The following ABHD12 variants were observed in gnomAD, a reference collection of about 807,000 sequenced individuals.
The protein encoded by ABHD12 is lysophosphatidylserine lipase ABHD12.
In ABHD12, 43 loss-of-function variants were observed where a neutral mutation model predicts 58.3. That is an observed-to-expected ratio of 0.74 (90% CI 0.58 to 0.95). The LOEUF is 0.95. Ranked by LOEUF, ABHD12 falls within the 40% of genes least tolerant of loss-of-function variation. The probability of loss-of-function intolerance (pLI) is 0.00; values close to 1 mark genes in which losing one functional copy is unlikely to be tolerated. For synonymous variants in ABHD12, 219 were observed against 211.2 expected (o/e 1.04, Z -0.32); for missense variants, 539 against 537.2 (o/e 1.00, Z -0.03).
chr20:25,318,658 AG>A (rs1233303686), intron 4 of ABHD12, among the ~76,000 whole-genome samples: 1 of 126,746 alleles, frequency 7.9e-6, no homozygotes, highest in Non-Finnish European at 1.7e-5. Flanking sequence ...AGTTATAGGC[AG>A]GATCTTTTTT....
intron 2 of ABHD12, among the ~76,000 whole-genome samples, chr20:25,329,235 C>T (rs1041348693): frequency 4.6e-5 from 7 of 152,236 alleles, no homozygotes; most frequent in African/African-American, 1.7e-4. Context: ...AGCCCTGTGG[C>T]AGCCCCACAG....
At chr20:25,371,012 C>G (rs1389634767) in intron 1 of ABHD12, among the ~76,000 whole-genome samples, 1 of 152,036 alleles carries the variant, frequency 6.6e-6, no homozygotes, top group Admixed American at 6.6e-5. Context: ...ATTGTTCTGC[C>G]TCTACTGTTC....
intron 1 of ABHD12, among the ~76,000 whole-genome samples, chr20:25,348,906 C>A (rs2089558129): frequency 6.6e-6 from 1 of 151,710 alleles, no homozygotes; most frequent in African/African-American, 2.4e-5. Flanking sequence ...CACGGTGAAA[C>A]CCCGTCTCTA....
intron 2 of ABHD12, among the ~76,000 whole-genome samples, chr20:25,335,846 T>C (rs1216395834): frequency 6.2e-5 from 9 of 145,102 alleles, no homozygotes; most frequent in African/African-American, 2.0e-4. Flanking sequence ...TTGGGAGATA[T>C]ACCTAATGCT....
rs369210768 is a variant in ABHD12 at position 25,295,058 on chromosome 20, T to G, written c.1158-28A>C. On this transcript the variant is annotated intron_variant, in intron 12 of 12. Coordinates refer to the ABHD12 transcript ENST00000376542. ...GTGATAAAGGAAGTGCTTTTAAAATTGTGAACTCTGCATTTCGTGAAGTGT... is the reference window on the plus strand; with the variant it reads ...GTGATAAAGGAAGTGCTTTTAAAATGGTGAACTCTGCATTTCGTGAAGTGT... 548 of 1,610,678 alleles carry G rather than the reference T, an allele frequency of 3.4e-4. 1 individual carries two copies. Among genetic ancestry groups the G allele is most frequent in the Non-Finnish European group, 4.1e-4 (481 of 1,176,796 alleles).
At chr20:25,306,620 G>A (rs1384781993) in intron 10 of ABHD12, among the ~76,000 whole-genome samples, 1 of 152,110 alleles carries the variant, frequency 6.6e-6, no homozygotes, top group South Asian at 2.1e-4. Flanking sequence ...AGGATCAAGC[G>A]ATCTGCCTTC....
intron 1 of ABHD12, among the ~76,000 whole-genome samples, chr20:25,374,402 T>C (rs1200950351): frequency 2.0e-5 from 3 of 152,236 alleles, no homozygotes; most frequent in East Asian, 3.8e-4. Flanking sequence ...ACATTATGGT[T>C]TTCATCTTCA....
At chr20:25,341,567 G>A (rs776119366) in intron 1 of ABHD12, among the ~76,000 whole-genome samples, 42 of 152,148 alleles carry the variant, frequency 2.8e-4, no homozygotes, top group Non-Finnish European at 4.6e-4. Context: ...AATGCTTGGT[G>A]GGGATGATAA....
intron 7 of ABHD12, among the ~76,000 whole-genome samples, chr20:25,308,799 C>T (rs1346419320): frequency 1.3e-5 from 2 of 152,218 alleles, no homozygotes; most frequent in Non-Finnish European, 2.9e-5. Flanking sequence ...GGGTGGCCAG[C>T]GTCTGCCTGC....
intron 1 of ABHD12, among the ~76,000 whole-genome samples, chr20:25,350,950 A>T (rs1208600137): frequency 6.9e-6 from 1 of 144,480 alleles, no homozygotes; most frequent in Non-Finnish European, 1.5e-5. Flanking sequence ...CTTCCATCCT[A>T]CGAATCCTTC....
At chr20:25,308,125 C>CA in intron 8 of ABHD12, 80 bp from the exon 9 acceptor site, 1 of 1,006,916 alleles carries the variant, frequency 9.9e-7, no homozygotes, top group Non-Finnish European at 1.6e-6. Context: ...TGAGGGGCCC[C>CA]CAGAAAGCAC....
intron 1 of ABHD12, among the ~76,000 whole-genome samples, chr20:25,374,097 A>AT (rs1448781314): frequency 6.6e-6 from 1 of 151,784 alleles, no homozygotes; most frequent in East Asian, 1.9e-4. Flanking sequence ...TAATTGTTCA[A>AT]TTTTTTTCTT....
intron 1 of ABHD12, among the ~76,000 whole-genome samples, chr20:25,379,770 C>A (rs2090001066): frequency 6.6e-6 from 1 of 151,892 alleles, no homozygotes; most frequent in African/African-American, 2.4e-5. Flanking sequence ...ACTCTGTTGC[C>A]CAGACCAGAG....
Position 25,294,991 on chromosome 20 carries a change from CAT to C in ABHD12, c.1195_1196del (p.Met399ValfsTer12), listed in dbSNP as rs769995300. ...GCTTCAGTCACACCAGCTCTGACCA[CAT>C]GCTGGGATCTGGGCTGGAACCTGGG... On this transcript the variant is annotated frameshift_variant, in exon 13 of 13. Transcript: ENST00000376542. LOFTEE classifies it high-confidence loss of function. 1.2e-6 allele frequency: 2 copies of C among 1,614,228 alleles called. No homozygotes were observed. Among genetic ancestry groups the C allele is most frequent in the Non-Finnish European group, 1.7e-6 (2 of 1,180,044 alleles).
At chr20:25,319,850 C>G (rs190296139) in intron 4 of ABHD12, among the ~76,000 whole-genome samples, 2 of 152,238 alleles carry the variant, frequency 1.3e-5, no homozygotes, top group Non-Finnish European at 2.9e-5. Flanking sequence ...CAGCTCCTGA[C>G]TGAGACTCAG....
intron 1 of ABHD12, among the ~76,000 whole-genome samples, chr20:25,387,491 A>G (rs1340698951): frequency 6.7e-6 from 1 of 149,638 alleles, no homozygotes; most frequent in Non-Finnish European, 1.5e-5. Context: ...CTGGCACGGT[A>G]TTTCATACCT....
intron 3 of ABHD12, among the ~76,000 whole-genome samples, chr20:25,322,071 A>G (rs1180117786): frequency 6.6e-6 from 1 of 152,170 alleles, no homozygotes; most frequent in Non-Finnish European, 1.5e-5. Context: ...TCAGCTAGAT[A>G]AAAGGGCTGT....
At chr20:25,323,904 AC>A (rs754411617) in intron 2 of ABHD12, among the ~76,000 whole-genome samples, 51 of 152,330 alleles carry the variant, frequency 3.3e-4, no homozygotes, top group Non-Finnish European at 6.0e-4. Flanking sequence ...GCGCTGCAGG[AC>A]CTGATGACCA....
rs550522856 is a variant in ABHD12 at position 25,316,862 on chromosome 20, C to T, written c.573+186G>A. 7.1e-4 allele frequency among the ~76,000 whole-genome samples: 108 copies of T among 152,210 alleles called. 1 individual carries two copies. Among genetic ancestry groups the T allele is most frequent in the Admixed American group, 2.2e-3 (33 of 15,278 alleles). On this transcript the variant is annotated intron_variant, in intron 5 of 12. Transcript: ENST00000339157. Reference sequence around the variant, plus strand: ...GGATAGTTTGAGCCCAGGAGGTCGACGCTGCAGTGCGCTGTGACTGTACCA... The same window carrying T: ...GGATAGTTTGAGCCCAGGAGGTCGATGCTGCAGTGCGCTGTGACTGTACCA...
Sources: gnomAD v4.1 joint callset for allele counts (sites outside exome capture counted in the v4.1 genomes callset) on GRCh38, gnomAD v4.1.1 for gene constraint, MANE v1.5 for transcripts, NCBI Gene and HGNC (gene_info 2026-07-23, HGNC 2026-07-21) for gene names.